The following PRUNE1 variants were observed in gnomAD, a reference collection of about 807,000 sequenced individuals.
PRUNE1 encodes prune exopolyphosphatase 1.
Under a neutral mutation model 42.5 loss-of-function variants are expected in PRUNE1, and 25 were observed. The observed-to-expected ratio is 0.59, with a 90% CI of 0.43 to 0.82. The LOEUF (loss-of-function observed/expected upper bound fraction) is 0.82. PRUNE1 is among the 40% of genes least tolerant of loss of function. The probability of loss-of-function intolerance (pLI) is 0.00; values close to 1 mark genes in which losing one functional copy is unlikely to be tolerated. For missense variants in PRUNE1, 443 were observed against 539.3 expected, an observed-to-expected ratio of 0.82 and a Z score of 1.77; for synonymous variants, 203 against 217.1, an observed-to-expected ratio of 0.93 and a Z score of 0.57.
intron 1 of PRUNE1, among the ~76,000 whole-genome samples, chr1:151,011,698 C>T (rs1673777278): frequency 6.6e-6 from 1 of 152,166 alleles, no homozygotes; most frequent in Non-Finnish European, 1.5e-5. Context: ...CTGCCCCCTC[C>T]TCTTGAGGCC....
In PRUNE1 at chr1:151,018,576, G is replaced by A. The variant is rs199585916; in HGVS notation, c.242G>A (p.Ser81Asn). ...FFLQKVHIPESILIFRDEIDL... is the reference protein window; with the variant it reads ...FFLQKVHIPENILIFRDEIDL... ...CTTCAGAAGGTTCATATTCCAGAGA[G>A]TATCTTGATTTTTCGGGATGAGATT... Residue 81 changes from serine (S) to asparagine (N), a missense_variant, in exon 3 of 8, where the codon AGT becomes AAT. Coordinates refer to ENST00000271620, the MANE Select transcript of PRUNE1 (RefSeq NM_021222.3). 5.6e-6 allele frequency: 9 copies of A among 1,614,086 alleles called. No homozygotes were observed. The highest frequency in any genetic ancestry group is 6.8e-6 in the Non-Finnish European group (8 of 1,179,948).
At chr1:151,012,067 G>A (rs1317405977) in intron 1 of PRUNE1, among the ~76,000 whole-genome samples, 3 of 152,034 alleles carry the variant, frequency 2.0e-5, no homozygotes, top group Non-Finnish European at 4.4e-5. Context: ...GTGAGCCACC[G>A]TGCCTGGCCA....
intron 1 of PRUNE1, among the ~76,000 whole-genome samples, chr1:151,016,105 C>T (rs939610838): frequency 3.3e-5 from 5 of 152,132 alleles, no homozygotes; most frequent in Non-Finnish European, 7.3e-5. Flanking sequence ...GGCATCATGG[C>T]GCATGCCTAT....
intron 3 of PRUNE1, among the ~76,000 whole-genome samples, 200 bp downstream of exon 3, chr1:151,018,869 C>G (rs142088662): frequency 0.042 from 6,445 of 152,158 alleles, 447 homozygotes; most frequent in African/African-American, 0.15. Context: ...ATGGCAAAAC[C>G]CCGTCTCTAC....
intron 3 of PRUNE1, among the ~76,000 whole-genome samples, chr1:151,021,960 G>A (rs1571791073): frequency 6.7e-6 from 1 of 149,444 alleles, no homozygotes; most frequent in East Asian, 2.0e-4. Flanking sequence ...GAGCCACCGT[G>A]CCACCACCTT....
chr1:151,029,568 C>T (rs587704248), intron 7 of PRUNE1, among the ~76,000 whole-genome samples: 25 of 151,438 alleles, frequency 1.7e-4, no homozygotes, highest in East Asian at 1.6e-3. Flanking sequence ...GGGGTTTCAC[C>T]GTGTTAGCCA....
chr1:151,014,029 G>A (rs1435038314), intron 1 of PRUNE1, among the ~76,000 whole-genome samples: 2 of 151,758 alleles, frequency 1.3e-5, no homozygotes, highest in Non-Finnish European at 2.9e-5. Flanking sequence ...ACCCAGGCTG[G>A]AGTGCAGTGG....
chr1:151,033,188 T>G (rs924980943), intron 7 of PRUNE1, among the ~76,000 whole-genome samples: 1 of 150,504 alleles, frequency 6.6e-6, no homozygotes, highest in Non-Finnish European at 1.5e-5. Flanking sequence ...TGGGTTCAAG[T>G]GATTCTCCTG....
chr1:151,018,200 GGTTA>G (rs1313374819), intron 2 of PRUNE1, among the ~76,000 whole-genome samples: 3 of 152,140 alleles, frequency 2.0e-5, no homozygotes, highest in Non-Finnish European at 1.5e-5. Flanking sequence ...CCTCTGCCCA[GGTTA>G]GTTCTTGAGG....
intron 3 of PRUNE1, among the ~76,000 whole-genome samples, chr1:151,022,586 A>G (rs1228419973): frequency 2.0e-5 from 3 of 148,694 alleles, no homozygotes; most frequent in African/African-American, 7.5e-5. Context: ...ACACCTGGCT[A>G]ATTTTTGTAT....
rs369686985 is a variant in PRUNE1 at position 151,021,443 on chromosome 1, G to A, written c.335+2774G>A. Among the ~76,000 whole-genome samples the A allele has an allele frequency of 1.1e-3, 167 of 152,198 alleles. 3 individuals carry two copies. The South Asian group carries it at 0.018, about 16-fold the overall frequency. On this transcript the variant is annotated intron_variant, in intron 3 of 7. Coordinates refer to ENST00000271620, the MANE Select transcript of PRUNE1 (RefSeq NM_021222.3). ...GCACTCCAGCCTGTGCAACAAGAGC[G>A]AAACTCCGTCTCAAAAAAAAATTTT...
intron 7 of PRUNE1, among the ~76,000 whole-genome samples, chr1:151,029,160 A>G (rs1421322773): frequency 1.4e-5 from 2 of 147,674 alleles, no homozygotes; most frequent in East Asian, 4.0e-4. Flanking sequence ...TTTAATGAAC[A>G]TCCTTAATCA....
chr1:151,030,951 A>G (rs1327291320), intron 7 of PRUNE1, among the ~76,000 whole-genome samples: 1 of 152,158 alleles, frequency 6.6e-6, no homozygotes, highest in African/African-American at 2.4e-5. Flanking sequence ...ATCATGTGTA[A>G]AGCACACTCC....
chr1:151,033,690 C>A (rs1455872646), intron 7 of PRUNE1, 116 bp from the exon 8 acceptor site: 5 of 1,063,324 alleles, frequency 4.7e-6, no homozygotes, highest in South Asian at 3.1e-5. Context: ...GCACCCCGCC[C>A]GGCCGACTTA....
chr1:151,020,982 T>TA (rs752789540), intron 3 of PRUNE1, among the ~76,000 whole-genome samples: 165 of 135,948 alleles, frequency 1.2e-3, no homozygotes, highest in East Asian at 9.6e-3. Flanking sequence ...GACTCCATCT[T>TA]AAAAAAAAAA....
chr1:151,008,872 C>A (rs1443675416), intron 1 of PRUNE1: 2 of 733,752 alleles, frequency 2.7e-6, no homozygotes, highest in East Asian at 5.5e-5. Context: ...GCTGCTTGTT[C>A]AGTCTCCCGG....
Position 151,027,317 on chromosome 1 carries a change from T to C in PRUNE1, c.764T>C (p.Met255Thr). 6.2e-7 allele frequency: 1 copy of C among 1,603,606 alleles called. No individual in the cohort carries two copies. The highest frequency in any genetic ancestry group is 8.5e-7 in the Non-Finnish European group (1 of 1,170,730). ...AAGGTGGCCATTAGTGCAATATATA[T>C]GGATTTGGAGGTAAGAGCAAGTTGT... is the stretch of plus-strand genomic sequence containing the variant. The part of the protein sequence containing the change: ...GVKVAISAIY[M>T]DLEAFLQRSN... Residue 255 changes from methionine (M) to threonine (T), a missense_variant, in exon 6 of 8, where the codon ATG (methionine) becomes ACG (threonine). Coordinates refer to ENST00000271620, the MANE Select transcript of PRUNE1 (RefSeq NM_021222.3).
At chr1:151,028,228 T>C (rs1675001690) in intron 6 of PRUNE1, among the ~76,000 whole-genome samples, 1 of 152,078 alleles carries the variant, frequency 6.6e-6, no homozygotes, top group Admixed American at 6.6e-5. Context: ...CTAGCAGTTA[T>C]GTATGTATGT....
chr1:151,012,610 G>C (rs990220857), intron 1 of PRUNE1, among the ~76,000 whole-genome samples: 1 of 152,154 alleles, frequency 6.6e-6, no homozygotes, highest in African/African-American at 2.4e-5. Context: ...GTTCAGGAAG[G>C]CTTCACAGAG....
Sources: allele counts gnomAD v4.1 joint callset (sites outside exome capture counted in the v4.1 genomes callset), GRCh38; gene constraint gnomAD v4.1.1; transcripts MANE v1.5; gene names NCBI Gene and HGNC (gene_info 2026-07-23, HGNC 2026-07-21).